RBFOX1: variants seen among roughly 807,000 people sequenced by gnomAD.
RBFOX1 encodes the protein RNA binding fox-1 homolog 1.
Under a neutral mutation model 57.7 loss-of-function variants are expected in RBFOX1, and 8 were observed. The observed-to-expected ratio is 0.14, with a 90% CI of 0.08 to 0.25. The LOEUF (loss-of-function observed/expected upper bound fraction) is 0.25, where lower values mean the gene tolerates loss of function less well. Ranked by LOEUF, RBFOX1 falls within the 10% of genes least tolerant of loss-of-function variation. RBFOX1 has a pLI of 1.00. For missense variants in RBFOX1, 611 were observed against 548.5 expected, an observed-to-expected ratio of 1.11 and a Z score of -1.14; for synonymous variants, 326 against 222.4, an observed-to-expected ratio of 1.47 and a Z score of -4.15.
chr16:6,893,082 C>G (rs910114042), intron 3 of RBFOX1, among the ~76,000 whole-genome samples: 2 of 152,150 alleles, frequency 1.3e-5, no homozygotes, highest in African/African-American at 4.8e-5. Flanking sequence ...AAAGACTGCC[C>G]ACCTCACCTG....
chr16:6,781,114 T>C (rs1047449021), intron 3 of RBFOX1, among the ~76,000 whole-genome samples: 1 of 152,180 alleles, frequency 6.6e-6, no homozygotes, highest in Non-Finnish European at 1.5e-5. Flanking sequence ...TTGTAATAGC[T>C]TCATTGGTCC....
At chr16:5,291,266 T>TC (rs1016177204) in intron 1 of RBFOX1, among the ~76,000 whole-genome samples, 17 of 147,464 alleles carry the variant, frequency 1.2e-4, no homozygotes, top group African/African-American at 3.8e-4. Flanking sequence ...CATTGGTTTT[T>TC]TTTTTTTTTT....
intron 3 of RBFOX1, among the ~76,000 whole-genome samples, chr16:5,751,859 A>C (rs938783979): frequency 6.6e-6 from 1 of 152,220 alleles, no homozygotes; most frequent in African/African-American, 2.4e-5. Context: ...TGTGGAAGAC[A>C]GTGTGGCAGT....
intron 4 of RBFOX1, among the ~76,000 whole-genome samples, chr16:5,972,483 C>T (rs2059982957): frequency 6.6e-6 from 1 of 152,198 alleles, no homozygotes; most frequent in Non-Finnish European, 1.5e-5. Flanking sequence ...TTCCAGCGTC[C>T]TCTCTTAAAA....
At chr16:6,461,353 C>A (rs1325461310) in intron 2 of RBFOX1, among the ~76,000 whole-genome samples, 4 of 152,132 alleles carry the variant, frequency 2.6e-5, no homozygotes, top group South Asian at 2.1e-4. Flanking sequence ...TCGTTAAAGA[C>A]CTTATCTCCA....
At chr16:6,277,571 A>C (rs1326043171) in intron 1 of RBFOX1, among the ~76,000 whole-genome samples, 1 of 148,810 alleles carries the variant, frequency 6.7e-6, no homozygotes, top group Non-Finnish European at 1.5e-5. Flanking sequence ...CAGGAGTTGG[A>C]GATCAGCCTG....
intron 2 of RBFOX1, among the ~76,000 whole-genome samples, chr16:5,597,966 T>C (rs192710649): frequency 6.6e-6 from 1 of 152,258 alleles, no homozygotes; most frequent in African/African-American, 2.4e-5. Flanking sequence ...ACCTACTTCT[T>C]AATACCCTAG....
intron 2 of RBFOX1, among the ~76,000 whole-genome samples, chr16:6,499,425 G>T (rs376691270): frequency 5.8e-4 from 88 of 152,180 alleles, no homozygotes; most frequent in African/African-American, 2.0e-3. Flanking sequence ...ACTGTAGTAT[G>T]TGTTTTTATC....
chr16:7,211,490 G>C (rs1218422228), intron 4 of RBFOX1, among the ~76,000 whole-genome samples: 1 of 151,822 alleles, frequency 6.6e-6, no homozygotes, highest in Admixed American at 6.6e-5. Context: ...CTAGGCTCTA[G>C]GACTCTATCA....
chr16:6,618,934 G>A (rs1243450817), intron 2 of RBFOX1, among the ~76,000 whole-genome samples: 1 of 152,064 alleles, frequency 6.6e-6, no homozygotes, highest in African/African-American at 2.4e-5. Context: ...AGAGTCATAG[G>A]GTGAAAACAC....
chr16:6,796,556 A>T (rs906023754), intron 3 of RBFOX1, among the ~76,000 whole-genome samples: 1 of 152,192 alleles, frequency 6.6e-6, no homozygotes, highest in African/African-American at 2.4e-5. Context: ...TCACTGCTTA[A>T]TATTTCATTT....
Position 6,940,091 on chromosome 16 carries a change from C to G in RBFOX1, c.-15-111966C>G, listed in dbSNP as rs189619107. ...ATAGTAATCCCAGTTACTTGGGAGG[C>G]TGAGGCAGGAGAATCACTTGAACCC... is the stretch of plus-strand genomic sequence containing the variant. On this transcript the variant is annotated intron_variant, in intron 3 of 15. Coordinates refer to ENST00000550418, the MANE Select transcript of RBFOX1 (RefSeq NM_018723.4). 2.5e-3 allele frequency among the ~76,000 whole-genome samples: 375 copies of G among 152,268 alleles called. 2 individuals are homozygous for G. Among genetic ancestry groups the G allele is most frequent in the Middle Eastern group, 3.4e-3 (1 of 294 alleles).
At chr16:5,741,552 A>G (rs970365613) in intron 3 of RBFOX1, among the ~76,000 whole-genome samples, 43 of 152,354 alleles carry the variant, frequency 2.8e-4, no homozygotes, top group Middle Eastern at 3.4e-3. Flanking sequence ...TATGATTTTT[A>G]ATCATTAAAG....
chr16:6,816,590 A>G (rs1276601296), intron 3 of RBFOX1, among the ~76,000 whole-genome samples: 5 of 151,964 alleles, frequency 3.3e-5, no homozygotes, highest in Middle Eastern at 3.4e-3. Flanking sequence ...AAATACAAAA[A>G]TTAGCCAGGC....
At chr16:6,337,594 G>A (rs773458058) in intron 2 of RBFOX1, among the ~76,000 whole-genome samples, 1 of 152,182 alleles carries the variant, frequency 6.6e-6, no homozygotes, top group African/African-American at 2.4e-5. Flanking sequence ...CCCAGTAGAG[G>A]CAGATATATA....
chr16:7,343,916 A>T, intron 4 of RBFOX1, among the ~76,000 whole-genome samples: 1 of 152,134 alleles, frequency 6.6e-6, no homozygotes, highest in East Asian at 1.9e-4. Flanking sequence ...GCACATAGAA[A>T]GTCCTCAATA....
chr16:6,899,177 TATA>T lies in RBFOX1; in HGVS notation c.-15-152876_-15-152874del, dbSNP rs200314050. 3.7e-4 allele frequency among the ~76,000 whole-genome samples: 53 copies of T among 142,864 alleles called. 1 individual carries two copies. Among genetic ancestry groups the T allele is most frequent in the South Asian group, 9.6e-4 (4 of 4,188 alleles). 93.7% of individuals were successfully genotyped at this position (142,864 alleles called of 152,430 possible). A position where few individuals can be genotyped will look rare whatever the true frequency, so the allele number is the denominator to read the frequency against. The stretch of plus-strand genomic sequence containing the variant: ...TGTATGTAACATGTGTATGTGTGTG[TATA>T]ATATGTGTGTGAGTGCATATGTGTG... On this transcript the variant is annotated intron_variant, in intron 3 of 15. Transcript: ENST00000550418.
At chr16:6,680,532 G>T (rs145299472) in intron 3 of RBFOX1, among the ~76,000 whole-genome samples, 1 of 151,926 alleles carries the variant, frequency 6.6e-6, no homozygotes, top group Non-Finnish European at 1.5e-5. Context: ...CAAAGTGCTG[G>T]GATTACAGGC....
At chr16:7,185,310 C>T (rs147162031) in intron 4 of RBFOX1, among the ~76,000 whole-genome samples, 188 of 152,108 alleles carry the variant, frequency 1.2e-3, no homozygotes, top group African/African-American at 4.4e-3. Flanking sequence ...TTCTACTGTA[C>T]CCTGGAGCAT....
Sources: allele counts gnomAD v4.1 joint callset (sites outside exome capture counted in the v4.1 genomes callset), GRCh38; gene constraint gnomAD v4.1.1; transcripts MANE v1.5; gene names NCBI Gene and HGNC (gene_info 2026-07-23, HGNC 2026-07-21).